Variants in SSH2 observed in about 807,000 individuals in gnomAD.
SSH2 encodes slingshot protein phosphatase 2, also known as protein phosphatase Slingshot homolog 2.
Under a neutral mutation model 135.2 loss-of-function variants are expected in SSH2, and 37 were observed. The ratio of observed to expected loss-of-function variants is 0.27; its 90% confidence interval spans 0.21 to 0.36. The LOEUF (loss-of-function observed/expected upper bound fraction) is 0.36, where lower values mean the gene tolerates loss of function less well. SSH2 is among the 10% of genes least tolerant of loss of function. The pLI is 1.00. For missense variants in SSH2, 1,408 were observed against 1,765.3 expected, an observed-to-expected ratio of 0.80 and a Z score of 3.63; for synonymous variants, 628 against 646.2, an observed-to-expected ratio of 0.97 and a Z score of 0.43.
At chr17:29,777,542 A>G (rs1277989158) in intron 3 of SSH2, 2 of 152,210 alleles carry the variant, frequency 1.3e-5, no homozygotes, top group Non-Finnish European at 2.9e-5. Flanking sequence ...TATACAAAGA[A>G]TAAGGATGGA....
At position 29,636,671 on chromosome 17, in the gene SSH2, T is replaced by G. The variant is rs1326061971; in HGVS notation, c.1559A>C (p.Glu520Ala). ...DITTSADQIA[E>A]VKTMESHPPI... is the part of the protein sequence containing the mutation. Reference sequence around the variant, plus strand: ...TGGGTGACTCTCCATGGTCTTCACCTCAGCAATCTGGTCTGCTGAGGTGGT... The same window carrying G: ...TGGGTGACTCTCCATGGTCTTCACCGCAGCAATCTGGTCTGCTGAGGTGGT... The change falls in exon 15 of 16, where the codon GAG (glutamate) becomes GCG (alanine). Residue 520 changes from glutamate (E) to alanine (A), a missense_variant. Glu to Ala is a moderately radical substitution (Grantham distance 107). Transcript: ENST00000540801. The G allele has an allele frequency of 1.9e-5, 31 of 1,614,154 alleles. No individual in the cohort carries two copies. The highest frequency in any genetic ancestry group is 2.6e-5 in the Non-Finnish European group (31 of 1,180,022).
chr17:29,754,180 A>C lies in SSH2; in HGVS notation c.188+39714T>G, dbSNP rs75175788. Among the ~76,000 whole-genome samples, 690 of 152,308 alleles carry C rather than the reference A, an allele frequency of 4.5e-3. 8 individuals are homozygous for C. Among genetic ancestry groups the C allele is most frequent in the African/African-American group, 0.016 (652 of 41,568 alleles). On this transcript the variant is annotated intron_variant, in intron 3 of 15. Coordinates refer to ENST00000540801, the MANE Select transcript of SSH2 (RefSeq NM_001282129.2). ...TAGGCCATCATCATCAGCATCATCT[A>C]GGAACTTGTTAGAAATGCAAATTCT... is the stretch of plus-strand genomic sequence containing the variant.
chr17:29,731,586 G>A (rs1281200520), intron 3 of SSH2, among the ~76,000 whole-genome samples: 2 of 152,042 alleles, frequency 1.3e-5, no homozygotes, highest in Admixed American at 1.3e-4. Context: ...CTCCTGAGTA[G>A]CTGGGATTAC....
intron 3 of SSH2, among the ~76,000 whole-genome samples, chr17:29,749,213 G>A (rs899836257): frequency 2.6e-5 from 4 of 152,068 alleles, no homozygotes; most frequent in Admixed American, 1.3e-4. Context: ...CACTAGTATC[G>A]CACTACTTAA....
At chr17:29,656,732 CT>C (rs2036796195) in intron 11 of SSH2, among the ~76,000 whole-genome samples, 1 of 152,060 alleles carries the variant, frequency 6.6e-6, no homozygotes, top group Admixed American at 6.5e-5. Flanking sequence ...ACATATCATA[CT>C]TTTTCCCCCT....
At chr17:29,741,990 A>G (rs559223926) in intron 3 of SSH2, among the ~76,000 whole-genome samples, 42 of 136,286 alleles carry the variant, frequency 3.1e-4, no homozygotes, top group African/African-American at 1.1e-3. Context: ...GCTGGAGTGC[A>G]GTGGTGCAAT....
intron 3 of SSH2, among the ~76,000 whole-genome samples, chr17:29,788,638 T>TCCTCCCTC (rs1257413042): frequency 1.3e-5 from 2 of 149,614 alleles, no homozygotes; most frequent in Non-Finnish European, 3.0e-5. Context: ...CTTCCTCCCT[T>TCCTCCCTC]CCTCCCTCCC....
At chr17:29,816,441 T>C (rs2042561128) in intron 2 of SSH2, among the ~76,000 whole-genome samples, 1 of 152,200 alleles carries the variant, frequency 6.6e-6, no homozygotes, top group Non-Finnish European at 1.5e-5. Flanking sequence ...TATAGAAATT[T>C]CTTGTGGAAA....
In SSH2 at chr17:29,630,977, C is replaced by T. The variant is rs774987831; in HGVS notation, c.4217G>A (p.Gly1406Glu). Residue 1406 changes from glycine (G) to glutamate (E), a missense_variant, in exon 16 of 16, where the codon GGA becomes GAA. By Grantham distance (98) the Gly-to-Glu change is moderately conservative. Coordinates refer to ENST00000540801, the MANE Select transcript of SSH2 (RefSeq NM_001282129.2). ...TGGAGCTGGGCATGCACACTGCAGT[C>T]CCTGGGTCTGTAGCACGGGAAGGCC... ...EGGLPVLQTQ[G>E]LQCACPAPGL... 6.2e-6 allele frequency: 10 copies of T among 1,613,590 alleles called. No homozygotes were observed. Among genetic ancestry groups the T allele is most frequent in the Non-Finnish European group, 7.6e-6 (9 of 1,179,688 alleles).
At chr17:29,888,761 ACATCCCT>A in intron 1 of SSH2, among the ~76,000 whole-genome samples, 1 of 147,822 alleles carries the variant, frequency 6.8e-6, no homozygotes. Flanking sequence ...TGGCAAAATC[ACATCCCT>A]ACAAAAAACT....
intron 1 of SSH2, among the ~76,000 whole-genome samples, chr17:29,854,279 A>G (rs531204316): frequency 2.0e-5 from 3 of 152,078 alleles, no homozygotes; most frequent in African/African-American, 7.2e-5. Flanking sequence ...TGGGTGCTGA[A>G]TTATTAGTAG....
intron 9 of SSH2, among the ~76,000 whole-genome samples, chr17:29,671,590 T>C (rs1314897588): frequency 6.6e-6 from 1 of 152,250 alleles, no homozygotes; most frequent in Non-Finnish European, 1.5e-5. Context: ...ATATCACTAA[T>C]ATGCTTACTA....
chr17:29,847,546 T>G (rs1443966383), intron 2 of SSH2, among the ~76,000 whole-genome samples: 2 of 152,084 alleles, frequency 1.3e-5, no homozygotes, highest in East Asian at 3.8e-4. Context: ...AGCTCATTAG[T>G]TTTCCTGACC....
At chr17:29,842,922 G>A (rs2043068268) in intron 2 of SSH2, among the ~76,000 whole-genome samples, 1 of 152,118 alleles carries the variant, frequency 6.6e-6, no homozygotes, top group Admixed American at 6.6e-5. Flanking sequence ...TTGGCCAACT[G>A]GCCATTTGAA....
chr17:29,718,203 A>G lies in SSH2; in HGVS notation c.189-15141T>C, dbSNP rs552285224. ...TTGAAACTTTCTTATTATTCCTTCT[A>G]TGTTTCTGACTATTCCTTCACATTC... On this transcript the variant is annotated intron_variant, in intron 3 of 15. Transcript: ENST00000540801. Among the ~76,000 whole-genome samples the G allele has an allele frequency of 2.0e-5, 3 of 152,184 alleles. No homozygotes were observed. In the East Asian group the frequency reaches 5.8e-4, roughly 29 times the overall value.
chr17:29,790,931 G>C (rs2042054344), intron 3 of SSH2, among the ~76,000 whole-genome samples: 1 of 151,982 alleles, frequency 6.6e-6, no homozygotes, highest in Non-Finnish European at 1.5e-5. Context: ...ATTTCGCCAT[G>C]TTGGCCAGGC....
rs565630846 is a variant in SSH2 at position 29,669,705 on chromosome 17, A to G, written c.809+2230T>C. On this transcript the variant is annotated intron_variant, in intron 9 of 15. Coordinates refer to ENST00000540801, the MANE Select transcript of SSH2 (RefSeq NM_001282129.2). The stretch of plus-strand genomic sequence containing the variant: ...AAACAGACAGAAGTTCTTAAGATAT[A>G]TCTCAAAATTAGGGTTATTATTATA... 2.6e-5 allele frequency among the ~76,000 whole-genome samples: 4 copies of G among 152,234 alleles called. No individual in the cohort carries two copies. In the East Asian group the frequency reaches 7.7e-4, roughly 29 times the overall value.
At chr17:29,729,628 A>G (rs2040113865) in intron 3 of SSH2, among the ~76,000 whole-genome samples, 2 of 152,234 alleles carry the variant, frequency 1.3e-5, no homozygotes, top group African/African-American at 4.8e-5. Flanking sequence ...AAGATTTGCA[A>G]GTAACCTGTG....
chr17:29,640,904 T>C (rs2036132017), intron 14 of SSH2: 1 of 152,166 alleles, frequency 6.6e-6, no homozygotes, highest in African/African-American at 2.4e-5. Context: ...CCACTGTATA[T>C]ATTCTTCACC....
Sources: gnomAD v4.1 joint callset for allele counts (sites outside exome capture counted in the v4.1 genomes callset) on GRCh38, gnomAD v4.1.1 for gene constraint, MANE v1.5 for transcripts, NCBI Gene and HGNC (gene_info 2026-07-23, HGNC 2026-07-21) for gene names.